The following SGMS1 variants were observed in gnomAD, a reference collection of about 807,000 sequenced individuals.
The protein encoded by SGMS1 is phosphatidylcholine:ceramide cholinephosphotransferase 1.
In SGMS1, 13 loss-of-function variants were observed where a neutral mutation model predicts 46.2. The ratio of observed to expected loss-of-function variants is 0.28; its 90% CI spans 0.18 to 0.45. SGMS1 has a LOEUF of 0.45. Among genes scored for constraint, SGMS1 ranks in the 20% least tolerant of loss-of-function variants. The pLI, the probability that SGMS1 is intolerant of heterozygous loss-of-function variation, is 1.00. For missense variants in SGMS1, 324 were observed against 519.9 expected, an observed-to-expected ratio of 0.62 and a Z score of 3.66; for synonymous variants, 203 against 187.8, an observed-to-expected ratio of 1.08 and a Z score of -0.66.
intron 2 of SGMS1, among the ~76,000 whole-genome samples, chr10:50,559,030 A>G (rs1343351610): frequency 6.6e-6 from 1 of 152,116 alleles, no homozygotes; most frequent in Non-Finnish European, 1.5e-5. Flanking sequence ...TCAACTTTAT[A>G]TAAGTCTCAA....
chr10:50,366,013 A>G (rs565541100), intron 6 of SGMS1, among the ~76,000 whole-genome samples: 2 of 151,720 alleles, frequency 1.3e-5, no homozygotes. Context: ...TTGGGTCAAA[A>G]GGTGTAAGTA....
At chr10:50,328,343 A>G (rs985222707) in intron 7 of SGMS1, among the ~76,000 whole-genome samples, 5 of 152,152 alleles carry the variant, frequency 3.3e-5, no homozygotes, top group Non-Finnish European at 4.4e-5. Flanking sequence ...GATTTTCCCA[A>G]ACAAGGAAAA....
At chr10:50,528,398 G>T (rs74342853) in intron 2 of SGMS1, among the ~76,000 whole-genome samples, 30 of 152,274 alleles carry the variant, frequency 2.0e-4, no homozygotes, top group African/African-American at 6.7e-4. Flanking sequence ...TACATATGAG[G>T]ATTCTGAGCC....
At chr10:50,371,026 C>A (rs900781621) in intron 6 of SGMS1, among the ~76,000 whole-genome samples, 2 of 152,096 alleles carry the variant, frequency 1.3e-5, no homozygotes, top group Non-Finnish European at 2.9e-5. Context: ...ATTAACAGAG[C>A]CAAATACTAT....
intron 6 of SGMS1, among the ~76,000 whole-genome samples, chr10:50,416,984 A>C (rs1358781379): frequency 6.6e-6 from 1 of 152,158 alleles, no homozygotes; most frequent in Non-Finnish European, 1.5e-5. Flanking sequence ...TGCATGTGTA[A>C]TGATGCTATT....
chr10:50,558,584 G>A (rs1175986477), intron 2 of SGMS1, among the ~76,000 whole-genome samples: 2 of 152,166 alleles, frequency 1.3e-5, no homozygotes, highest in Non-Finnish European at 2.9e-5. Flanking sequence ...GGAACCAAAT[G>A]TCCATGCTTT....
chr10:50,332,716 G>C (rs989855697), intron 7 of SGMS1, among the ~76,000 whole-genome samples: 1 of 143,946 alleles, frequency 6.9e-6, no homozygotes, highest in Admixed American at 7.3e-5. Context: ...TCCATCTCCC[G>C]GGCTCAAGCA....
At chr10:50,474,047 T>A (rs977325630) in intron 3 of SGMS1, 7 of 152,394 alleles carry the variant, frequency 4.6e-5, no homozygotes, top group African/African-American at 1.7e-4. Flanking sequence ...ACAATCATCA[T>A]GGGCCAAGTC....
In SGMS1 at chr10:50,452,385, G is replaced by A. The variant is rs117717847; in HGVS notation, c.-313+8288C>T. ...TTTTAATAATTTTTTGAGTTCTGTC[G>A]TAAATGAGTATCCACCTCATCTATT... On this transcript the variant is annotated intron_variant, in intron 5 of 10. Coordinates refer to ENST00000361781, the MANE Select transcript of SGMS1 (RefSeq NM_147156.4). Among the ~76,000 whole-genome samples, 39 of 152,130 alleles carry A rather than the reference G, an allele frequency of 2.6e-4. No individual in the cohort carries two copies. The East Asian group carries it at 3.9e-3, about 15-fold the overall frequency.
At chr10:50,425,973 A>C (rs1487706178) in intron 6 of SGMS1, among the ~76,000 whole-genome samples, 1 of 152,238 alleles carries the variant, frequency 6.6e-6, no homozygotes, top group Non-Finnish European at 1.5e-5. Flanking sequence ...TCATTGATAT[A>C]TCATCTGTAA....
At chr10:50,347,135 TAA>T (rs1847927348) in intron 6 of SGMS1, among the ~76,000 whole-genome samples, 1 of 152,204 alleles carries the variant, frequency 6.6e-6, no homozygotes, top group Non-Finnish European at 1.5e-5. Context: ...TTCCTGTGAC[TAA>T]GTGTCTGTCT....
At chr10:50,607,299 G>A (rs1838707070) in intron 1 of SGMS1, among the ~76,000 whole-genome samples, 2 of 152,020 alleles carry the variant, frequency 1.3e-5, no homozygotes, top group Non-Finnish European at 2.9e-5. Context: ...TGTACTTTGT[G>A]TATAACAGCA....
chr10:50,513,578 A>G (rs1269566808), intron 3 of SGMS1, among the ~76,000 whole-genome samples: 1 of 152,184 alleles, frequency 6.6e-6, no homozygotes, highest in Non-Finnish European at 1.5e-5. Flanking sequence ...TCCAGACCAG[A>G]TAGGATGTTA....
At chr10:50,551,046 TCTCCCTACTC>T (rs1326895181) in intron 2 of SGMS1, among the ~76,000 whole-genome samples, 2 of 152,102 alleles carry the variant, frequency 1.3e-5, no homozygotes, top group Admixed American at 6.6e-5. Flanking sequence ...AAGCGTAACT[TCTCCCTACTC>T]CTTTTGTGTG....
At chr10:50,429,694 T>TACAC (rs71471389) in intron 6 of SGMS1, among the ~76,000 whole-genome samples, 27 of 83,392 alleles carry the variant, frequency 3.2e-4, no homozygotes, top group South Asian at 1.4e-3. Context: ...TTTCTACACA[T>TACAC]ACACACACAC....
chr10:50,589,757 C>T (rs952724722), intron 2 of SGMS1, among the ~76,000 whole-genome samples: 3 of 152,198 alleles, frequency 2.0e-5, no homozygotes, highest in Non-Finnish European at 4.4e-5. Context: ...CAGGTGTAAG[C>T]CAGCACGCCT....
rs552885413 is a variant in SGMS1, at chr10:50,326,881, C to G, written c.741+324G>C. Among the ~76,000 whole-genome samples the G allele has an allele frequency of 2.0e-5, 3 of 152,212 alleles. No homozygotes were observed. In the East Asian group the frequency reaches 5.8e-4, roughly 29 times the overall value. ...AAAATGTCACTTGAAATCGAGCTCT[C>G]CCTCCGAGGGAGAGGAAGCATATAA... On this transcript the variant is annotated intron_variant, in intron 8 of 10. Coordinates refer to ENST00000361781, the MANE Select transcript of SGMS1 (RefSeq NM_147156.4).
intron 7 of SGMS1, among the ~76,000 whole-genome samples, chr10:50,331,300 A>G (rs533277721): frequency 6.6e-6 from 1 of 152,206 alleles, no homozygotes; most frequent in South Asian, 2.1e-4. Context: ...ACAGATGGGA[A>G]AAGTGAGGTT....
chr10:50,361,075 G>C (rs954830678), intron 6 of SGMS1, among the ~76,000 whole-genome samples: 1 of 152,170 alleles, frequency 6.6e-6, no homozygotes, highest in African/African-American at 2.4e-5. Context: ...CTTCTGGGGA[G>C]TAAGAAAGAT....
Sources: allele counts gnomAD v4.1 joint callset (sites outside exome capture counted in the v4.1 genomes callset), GRCh38; gene constraint gnomAD v4.1.1; transcripts MANE v1.5; gene names NCBI Gene and HGNC (gene_info 2026-07-23, HGNC 2026-07-21).